Variants in GALNTL6 observed in about 807,000 individuals in gnomAD.
GALNTL6 encodes the protein polypeptide N-acetylgalactosaminyltransferase-like 6.
GALNTL6 carries 46 observed loss-of-function variants against 73.7 expected under a neutral mutation model. The ratio of observed to expected loss-of-function variants is 0.62; its 90% CI spans 0.49 to 0.80. The LOEUF (loss-of-function observed/expected upper bound fraction) is 0.80, where lower values mean the gene tolerates loss of function less well. Among genes scored for constraint, GALNTL6 ranks in the 30% least tolerant of loss-of-function variants. The probability of loss-of-function intolerance (pLI) is 0.00; values close to 1 mark genes in which losing one functional copy is unlikely to be tolerated. For synonymous variants in GALNTL6, 259 were observed against 263.7 expected (o/e 0.98, Z 0.17); for missense variants, 604 against 755.0 (o/e 0.80, Z 2.34).
chr4:171,871,379 CA>C (rs1736132756), intron 2 of GALNTL6, among the ~76,000 whole-genome samples: 1 of 152,106 alleles, frequency 6.6e-6, no homozygotes, highest in Non-Finnish European at 1.5e-5. Context: ...GTAACATTTT[CA>C]GACTGTAGTC....
intron 7 of GALNTL6, among the ~76,000 whole-genome samples, chr4:172,881,249 T>G (rs947121788): frequency 6.6e-6 from 1 of 152,190 alleles, no homozygotes; most frequent in African/African-American, 2.4e-5. Context: ...CACTCTGAAA[T>G]TCAGTGGGTG....
intron 8 of GALNTL6, among the ~76,000 whole-genome samples, chr4:172,917,106 C>A: frequency 6.6e-6 from 1 of 152,130 alleles, no homozygotes; most frequent in Non-Finnish European, 1.5e-5. Context: ...CGTCTACAAC[C>A]ATCTGATCTT....
At chr4:172,419,381 G>A (rs1278260673) in intron 5 of GALNTL6, among the ~76,000 whole-genome samples, 1 of 152,098 alleles carries the variant, frequency 6.6e-6, no homozygotes, top group African/African-American at 2.4e-5. Flanking sequence ...CAGAGTGCCT[G>A]GGGCACAGAA....
intron 5 of GALNTL6, among the ~76,000 whole-genome samples, chr4:172,792,035 A>G (rs1179374585): frequency 1.3e-5 from 2 of 152,218 alleles, no homozygotes; most frequent in East Asian, 3.8e-4. Context: ...GGAGCCATGG[A>G]CTGGTTTGGC....
chr4:172,722,350 A>G (rs1028097834), intron 5 of GALNTL6, among the ~76,000 whole-genome samples: 2 of 152,198 alleles, frequency 1.3e-5, no homozygotes, highest in African/African-American at 4.8e-5. Context: ...GGTGATAACA[A>G]AGTAACACCC....
intron 2 of GALNTL6, among the ~76,000 whole-genome samples, chr4:171,843,326 C>T (rs1185017717): frequency 2.0e-5 from 3 of 151,758 alleles, no homozygotes; most frequent in Non-Finnish European, 2.9e-5. Flanking sequence ...AATGCACAAA[C>T]GAGAAGATCT....
chr4:172,488,317 G>C (rs958059761), intron 5 of GALNTL6, among the ~76,000 whole-genome samples: 4 of 152,200 alleles, frequency 2.6e-5, no homozygotes, highest in African/African-American at 9.6e-5. Context: ...AATCAGAAAC[G>C]CAGATAGGGC....
chr4:171,924,634 A>G (rs1283537538), intron 2 of GALNTL6, among the ~76,000 whole-genome samples: 3 of 152,188 alleles, frequency 2.0e-5, no homozygotes, highest in African/African-American at 7.2e-5. Flanking sequence ...TGAGCCACCA[A>G]AGCATAGCAC....
At chr4:172,650,921 C>A (rs1740446551) in intron 5 of GALNTL6, among the ~76,000 whole-genome samples, 2 of 152,118 alleles carry the variant, frequency 1.3e-5, no homozygotes, top group Admixed American at 1.3e-4. Flanking sequence ...TATCATAATT[C>A]TTAGTGTGAA....
At chr4:172,912,708 G>A (rs746982676) in intron 8 of GALNTL6, among the ~76,000 whole-genome samples, 5 of 152,214 alleles carry the variant, frequency 3.3e-5, no homozygotes, top group South Asian at 2.1e-4. Context: ...GGTAAACAAA[G>A]CGGTGGGGAA....
chr4:172,601,619 A>G (rs1738054291), intron 5 of GALNTL6, among the ~76,000 whole-genome samples: 1 of 152,156 alleles, frequency 6.6e-6, no homozygotes, highest in African/African-American at 2.4e-5. Context: ...ATGCAGCTCT[A>G]TGCTCTTGAA....
Position 172,169,825 on chromosome 4 carries a change from C to G in GALNTL6, c.139-59831C>G, listed in dbSNP as rs146531215. On this transcript the variant is annotated intron_variant, in intron 2 of 12. Transcript: ENST00000506823. ...ACAACACCCTCTCTGATAATAATCACAAGCTTTTCAGAGGTTTAATTTCAG... is the reference window on the plus strand; with the variant it reads ...ACAACACCCTCTCTGATAATAATCAGAAGCTTTTCAGAGGTTTAATTTCAG... 1.6e-3 allele frequency among the ~76,000 whole-genome samples: 244 copies of G among 152,286 alleles called. 1 individual carries two copies. Among genetic ancestry groups the G allele is most frequent in the Admixed American group, 4.6e-3 (70 of 15,300 alleles).
intron 7 of GALNTL6, among the ~76,000 whole-genome samples, chr4:172,861,169 A>G (rs1350658678): frequency 6.6e-6 from 1 of 152,216 alleles, no homozygotes; most frequent in Non-Finnish European, 1.5e-5. Context: ...AACAGAGAAT[A>G]TATTTTAGAA....
rs182557039 is a variant in GALNTL6 at position 172,377,762 on chromosome 4, C to T, written c.553+29073C>T. Among the ~76,000 whole-genome samples, 810 of 152,254 alleles carry T rather than the reference C, an allele frequency of 5.3e-3. 15 individuals are homozygous for T. The highest frequency in any genetic ancestry group is 0.018 in the African/African-American group (757 of 41,552). On this transcript the variant is annotated intron_variant, in intron 5 of 12. Coordinates refer to ENST00000506823, the MANE Select transcript of GALNTL6 (RefSeq NM_001034845.3). ...GTGCTGGGGTACCTGGTGCACCCTC[C>T]GCAGACGCTGGCCCAGGTGCTAAGC...
At chr4:172,803,632 T>A (rs1740789053) in intron 5 of GALNTL6, among the ~76,000 whole-genome samples, 1 of 152,252 alleles carries the variant, frequency 6.6e-6, no homozygotes, top group Non-Finnish European at 1.5e-5. Context: ...CTTTGTGTGA[T>A]GTTATAAGCC....
At chr4:172,731,335 G>C (rs1306277110) in intron 5 of GALNTL6, among the ~76,000 whole-genome samples, 1 of 151,910 alleles carries the variant, frequency 6.6e-6, no homozygotes. Flanking sequence ...TCATTGTGTT[G>C]GCATGTAGTT....
intron 8 of GALNTL6, among the ~76,000 whole-genome samples, chr4:172,886,281 T>C (rs1206046381): frequency 1.3e-5 from 2 of 152,236 alleles, no homozygotes; most frequent in Non-Finnish European, 1.5e-5. Flanking sequence ...GTTGTGTATT[T>C]ACAAGAATTT....
intron 5 of GALNTL6, among the ~76,000 whole-genome samples, chr4:172,695,732 G>C (rs1733645623): frequency 6.6e-6 from 1 of 152,152 alleles, no homozygotes; most frequent in African/African-American, 2.4e-5. Context: ...CGGATCATGA[G>C]GTCAGGAGAT....
At chr4:172,474,629 T>C (rs1325788552) in intron 5 of GALNTL6, among the ~76,000 whole-genome samples, 22 of 152,170 alleles carry the variant, frequency 1.4e-4, no homozygotes. Flanking sequence ...TTCTAAGAAA[T>C]ATTGGCATTT....
Sources: allele counts gnomAD v4.1 joint callset (sites outside exome capture counted in the v4.1 genomes callset), GRCh38; gene constraint gnomAD v4.1.1; transcripts MANE v1.5; gene names NCBI Gene and HGNC (gene_info 2026-07-23, HGNC 2026-07-21).